The following CFAP54 variants were observed in gnomAD, a reference collection of about 807,000 sequenced individuals.
CFAP54 encodes cilia and flagella associated protein 54.
In CFAP54, 290 loss-of-function variants were observed where a neutral mutation model predicts 370.4. The ratio of observed to expected loss-of-function variants is 0.78; its 90% CI spans 0.71 to 0.86. The LOEUF (loss-of-function observed/expected upper bound fraction) is 0.86. Ranked by LOEUF, CFAP54 falls within the 40% of genes least tolerant of loss-of-function variation. CFAP54 has a pLI of 0.00. For missense variants in CFAP54, 3,399 were observed against 3,528.7 expected, an observed-to-expected ratio of 0.96 and a Z score of 0.93; for synonymous variants, 1,206 against 1,236.5, an observed-to-expected ratio of 0.98 and a Z score of 0.52.
chr12:96,826,860 A>G (rs1463344121), intron 65 of CFAP54, among the ~76,000 whole-genome samples: 1 of 118,014 alleles, frequency 8.5e-6, no homozygotes, highest in Non-Finnish European at 1.6e-5. Context: ...ATAATATATT[A>G]TATAATATTA....
At chr12:96,859,284 G>A (rs1283041523) in intron 66 of CFAP54, among the ~76,000 whole-genome samples, 3 of 152,218 alleles carry the variant, frequency 2.0e-5, no homozygotes, top group African/African-American at 7.2e-5. Context: ...GCTTATGCAT[G>A]TGGAAATTAA....
At position 96,625,778 on chromosome 12, in the gene CFAP54, A is replaced by G; in HGVS notation, c.3947A>G (p.Asn1316Ser). Residue 1316 changes from asparagine (N) to serine (S), a missense_variant, in exon 29 of 68, where the codon AAT becomes AGT. By Grantham distance (46) the Asn-to-Ser change is conservative. Around this residue, in one of 3 missense-constraint regions of CFAP54, gnomAD observed 2,796 missense variants for 2,869.7 expected, o/e 0.97. Transcript: ENST00000524981. ...DPIFLYPVVL[N>S]WSVKGAVKEV... ...ATATTTCTTTATCCTGTAGTTTTGA[A>G]TTGGTCGGTCAAAGGTGCCGTGAAA... The G allele has an allele frequency of 6.5e-7, 1 of 1,535,818 alleles. No homozygotes were observed. The highest frequency in any genetic ancestry group is 8.7e-7 in the Non-Finnish European group (1 of 1,146,712).
chr12:96,742,384 C>A, intron 51 of CFAP54, 55 bp from the exon 52 acceptor site: 1 of 1,348,588 alleles, frequency 7.4e-7, no homozygotes, highest in Non-Finnish European at 1.0e-6. Flanking sequence ...TAGTCTTAGG[C>A]TAGAACCTTG....
intron 19 of CFAP54, among the ~76,000 whole-genome samples, chr12:96,573,384 T>G (rs968351213): frequency 3.3e-5 from 5 of 152,218 alleles, no homozygotes; most frequent in African/African-American, 1.2e-4. Flanking sequence ...GGAAATCCAC[T>G]TATCTTTTCT....
At chr12:96,724,509 T>C (rs1957804020) in intron 50 of CFAP54, among the ~76,000 whole-genome samples, 1 of 152,252 alleles carries the variant, frequency 6.6e-6, no homozygotes, top group Non-Finnish European at 1.5e-5. Context: ...CTTTGCCCAT[T>C]TTTGATGGGG....
chr12:96,874,621 A>C (rs5022746), intron 67 of CFAP54, among the ~76,000 whole-genome samples: 1 of 34,272 alleles, frequency 2.9e-5, no homozygotes, highest in Admixed American at 4.2e-4. Context: ...GCTTTTTTTT[A>C]TTTTTATTTT....
chr12:96,764,026 T>C (rs1958368487), intron 58 of CFAP54, 125 bp from the exon 59 acceptor site: 1 of 565,486 alleles, frequency 1.8e-6, no homozygotes, highest in African/African-American at 1.9e-5. Flanking sequence ...TCGAATATCT[T>C]CTCATGTCAA....
intron 66 of CFAP54, among the ~76,000 whole-genome samples, chr12:96,831,264 A>G (rs1049794004): frequency 3.3e-5 from 5 of 152,240 alleles, no homozygotes; most frequent in African/African-American, 1.2e-4. Context: ...GTGGCAGGAA[A>G]TAGACAGTAA....
At chr12:96,712,798 A>G (rs1249628687) in intron 48 of CFAP54, among the ~76,000 whole-genome samples, 2 of 152,150 alleles carry the variant, frequency 1.3e-5, no homozygotes, top group Non-Finnish European at 2.9e-5. Flanking sequence ...TGCCTGGCTT[A>G]TTTCACTTAA....
chr12:96,642,620 A>G (rs555252991), intron 32 of CFAP54, among the ~76,000 whole-genome samples: 2 of 152,272 alleles, frequency 1.3e-5, no homozygotes, highest in Admixed American at 1.3e-4. Flanking sequence ...AATGGTGAGA[A>G]TCCTGGTTCT....
chr12:96,519,096 A>C, intron 6 of CFAP54, 25 bp downstream of exon 6: 1 of 1,479,890 alleles, frequency 6.8e-7, no homozygotes, highest in Non-Finnish European at 8.9e-7. Context: ...AACTCTGAGG[A>C]GTCGAGTTTT....
intron 66 of CFAP54, among the ~76,000 whole-genome samples, chr12:96,836,891 G>A (rs1183695978): frequency 1.3e-5 from 2 of 152,126 alleles, no homozygotes; most frequent in Admixed American, 6.5e-5. Context: ...GCAGTGGTGT[G>A]ATTATAGCTC....
intron 65 of CFAP54, among the ~76,000 whole-genome samples, chr12:96,825,436 AAT>A (rs1182066175): frequency 4.2e-5 from 5 of 118,154 alleles, no homozygotes; most frequent in South Asian, 2.4e-4. Flanking sequence ...TATTATATAT[AAT>A]ATATGTTATA....
chr12:96,781,374 T>C (rs1489796422), intron 60 of CFAP54, among the ~76,000 whole-genome samples: 1 of 152,158 alleles, frequency 6.6e-6, no homozygotes, highest in South Asian at 2.1e-4. Context: ...ACAATCCATT[T>C]GACCTTTGTG....
chr12:96,616,015 A>G (rs1197061917), intron 26 of CFAP54, among the ~76,000 whole-genome samples: 2 of 152,244 alleles, frequency 1.3e-5, no homozygotes, highest in African/African-American at 4.8e-5. Flanking sequence ...ATTACTGGGT[A>G]TATACCCAAA....
chr12:96,776,773 A>G (rs965835182), intron 60 of CFAP54, among the ~76,000 whole-genome samples: 1 of 152,250 alleles, frequency 6.6e-6, no homozygotes, highest in Non-Finnish European at 1.5e-5. Flanking sequence ...TTGCTGTTGA[A>G]TGACATCTTT....
At chr12:96,512,141 C>A (rs1480796830) in intron 4 of CFAP54, among the ~76,000 whole-genome samples, 1 of 151,422 alleles carries the variant, frequency 6.6e-6, no homozygotes, top group African/African-American at 2.4e-5. Context: ...TTATATGAGT[C>A]TGAGAGTGAA....
chr12:96,742,427 A>G lies in CFAP54; in HGVS notation c.7072-12A>G. ...TAAATGGAAAGATAACCATCATTTT[A>G]ATATTGTTTAGGTCACTGAAAATAA... On this transcript the variant is annotated splice_polypyrimidine_tract_variant and intron_variant, in intron 51 of 67. Transcript: ENST00000524981. 1 of 1,536,112 alleles carries G rather than the reference A, an allele frequency of 6.5e-7. No individual in the cohort carries two copies. Among genetic ancestry groups the G allele is most frequent in the Non-Finnish European group, 9.0e-7 (1 of 1,113,552 alleles).
intron 15 of CFAP54, among the ~76,000 whole-genome samples, chr12:96,548,531 A>T (rs1237741375): frequency 6.6e-6 from 1 of 152,218 alleles, no homozygotes; most frequent in Non-Finnish European, 1.5e-5. Context: ...GTCAAATGCC[A>T]TCATGAATGT....
Sources: allele counts gnomAD v4.1 joint callset (sites outside exome capture counted in the v4.1 genomes callset), GRCh38; gene constraint gnomAD v4.1.1; regional missense constraint gnomAD v4.1.1; transcripts MANE v1.5; gene names NCBI Gene and HGNC (gene_info 2026-07-23, HGNC 2026-07-21).